NPC1L1: variants seen among roughly 807,000 people sequenced by gnomAD.
NPC1L1 encodes the protein NPC1-like intracellular cholesterol transporter 1.
A neutral mutation model predicts 117.0 loss-of-function variants in NPC1L1; 98 were observed. That is an observed-to-expected ratio of 0.84 (90% CI 0.71 to 0.99). The LOEUF (loss-of-function observed/expected upper bound fraction) is 0.99, where lower values mean the gene tolerates loss of function less well. Among genes scored for constraint, NPC1L1 ranks in the 50% least tolerant of loss-of-function variants. The probability of loss-of-function intolerance (pLI) is 0.00; values close to 1 mark genes in which losing one functional copy is unlikely to be tolerated. For missense variants in NPC1L1, 1,540 were observed against 1,710.0 expected, an observed-to-expected ratio of 0.90 and a Z score of 1.75; for synonymous variants, 729 against 727.6, an observed-to-expected ratio of 1.00 and a Z score of -0.03.
At position 44,536,159 on chromosome 7, in the gene NPC1L1, G is replaced by C; in HGVS notation, c.1854+97C>G. 1 of 1,577,044 alleles carries C rather than the reference G, an allele frequency of 6.3e-7. No homozygotes were observed. The highest frequency in any genetic ancestry group is 8.7e-7 in the Non-Finnish European group (1 of 1,148,914). ...TCTGAGCAGGCAGCCACTGCCCAGGGTCACTTAGGAAGGGCCAGGGCCAGG... is the reference window on the plus strand; with the variant it reads ...TCTGAGCAGGCAGCCACTGCCCAGGCTCACTTAGGAAGGGCCAGGGCCAGG... On this transcript the variant is annotated intron_variant, in intron 4 of 18. Coordinates refer to ENST00000381160, the MANE Select transcript of NPC1L1 (RefSeq NM_001101648.2). The surrounding 1 kb of genome is among the most constrained non-coding windows in gnomAD (Gnocchi z 4.7).
rs746954952 is a variant in NPC1L1 at position 44,539,764 on chromosome 7, A to G, written c.633T>C (p.Asn211=). Residue 211 remains asparagine, a synonymous_variant, in exon 2 of 19, where the codon AAT becomes AAC. Coordinates refer to ENST00000381160, the MANE Select transcript of NPC1L1 (RefSeq NM_001101648.2). The surrounding 1 kb of genome is among the most constrained non-coding windows in gnomAD (Gnocchi z 4.4). ...AGGTGATGTCCAGTGGGGCCAGACC[A>G]TTGCCTGTGTCTCCCTGGAAGTTGA... is the stretch of plus-strand genomic sequence containing the variant. ...RWLNFQGDTG[N]GLAPLDITFH... is the part of the protein sequence containing the mutation. 68 of 1,614,110 alleles carry G rather than the reference A, an allele frequency of 4.2e-5. No homozygotes were observed. Among genetic ancestry groups the G allele is most frequent in the Non-Finnish European group, 5.4e-5 (64 of 1,180,022 alleles).
In NPC1L1 at chr7:44,532,211, G is replaced by A. The variant is rs748272080; in HGVS notation, c.2416C>T (p.Arg806Trp). ...SLDSKRQEAS[R>W]LDVCCCVKPQ... The stretch of plus-strand genomic sequence containing the variant: ...TTGACACAGCAGCAGACGTCCAACC[G>A]GGAGGCCTGGAGTGGGAGGCACCCC... The change falls in exon 9 of 19, where the codon CGG (arginine) becomes TGG (tryptophan). Residue 806 changes from arginine to tryptophan, a missense_variant. By Grantham distance (101) the Arg-to-Trp change is moderately radical. Around this residue, in one of 3 missense-constraint regions of NPC1L1, gnomAD observed 742 missense variants for 873.6 expected, o/e 0.85. Coordinates refer to ENST00000381160, the MANE Select transcript of NPC1L1 (RefSeq NM_001101648.2). The A allele has an allele frequency of 3.7e-5, 59 of 1,613,496 alleles. No individual in the cohort carries two copies. The highest frequency in any genetic ancestry group is 9.3e-5 in the African/African-American group (7 of 74,916).
chr7:44,526,913 A>G (rs1158569758), intron 10 of NPC1L1, among the ~76,000 whole-genome samples: 1 of 151,990 alleles, frequency 6.6e-6, no homozygotes, highest in Non-Finnish European at 1.5e-5. Flanking sequence ...AATCTCAGCT[A>G]CTCAGGAGGC....
Position 44,539,326 on chromosome 7 carries a change from C to A in NPC1L1, c.1071G>T (p.Val357=), listed in dbSNP as rs559105445. The A allele has an allele frequency of 9.5e-5, 154 of 1,613,780 alleles. 1 individual carries two copies. The highest frequency in any genetic ancestry group is 1.2e-4 in the Non-Finnish European group (139 of 1,179,876). The stretch of plus-strand genomic sequence containing the variant: ...AGGCCACCACCGGGATGACAGATAG[C>A]ACCAAGATGGTCAGAGGCCACGAAG... ...WVASWPLTIL[V]LSVIPVVALA... is the part of the protein sequence containing the mutation. Residue 357 remains valine (V), a synonymous_variant, in exon 2 of 19, where the codon GTG becomes GTT. Transcript: ENST00000381160. The surrounding 1 kb of genome is among the most constrained non-coding windows in gnomAD (Gnocchi z 4.4).
intron 10 of NPC1L1, among the ~76,000 whole-genome samples, chr7:44,530,263 G>T (rs1041226729): frequency 1.7e-4 from 26 of 151,684 alleles, no homozygotes; most frequent in Admixed American, 7.9e-4. Flanking sequence ...ACTTGAACCC[G>T]GGAGGCGGAG....
Position 44,540,053 on chromosome 7 carries a change from G to A in NPC1L1, c.344C>T (p.Ala115Val), listed in dbSNP as rs1038833468. 19 of 1,614,112 alleles carry A rather than the reference G, an allele frequency of 1.2e-5. No individual in the cohort carries two copies. The highest frequency in any genetic ancestry group is 1.4e-5 in the Non-Finnish European group (16 of 1,180,054). ...ITKALLTRCP[A>V]CSDNFVNLHC... ...CAGGTTCACAAAATTGTCAGAGCAG[G>A]CTGGGCAGCGGGTGAGGAGGGCCTT... Residue 115 changes from alanine (A) to valine (V), a missense_variant, in exon 2 of 19, where the codon GCC becomes GTC. Ala to Val is a moderately conservative substitution (Grantham distance 64). Coordinates refer to ENST00000381160, the MANE Select transcript of NPC1L1 (RefSeq NM_001101648.2).
In NPC1L1 at chr7:44,539,871, G is replaced by A. The variant is rs780119378; in HGVS notation, c.526C>T (p.Arg176Cys). The A allele has an allele frequency of 9.3e-6, 15 of 1,614,016 alleles. No homozygotes were observed. The highest frequency in any genetic ancestry group is 6.7e-5 in the East Asian group (3 of 44,886). The change falls in exon 2 of 19, where the codon CGC (arginine) becomes TGC (cysteine). Residue 176 changes from arginine (R) to cysteine (C), a missense_variant. Transcript: ENST00000381160. The surrounding 1 kb of genome is among the most constrained non-coding windows in gnomAD (Gnocchi z 4.4). ...EQSYDSCSRV[R>C]VPAAATLAVG... ...GCCAGCGTGGCAGCTGCAGGGACGCGCACACGGCTGCAGGAGTCATAGCTC... is the reference window on the plus strand; with the variant it reads ...GCCAGCGTGGCAGCTGCAGGGACGCACACACGGCTGCAGGAGTCATAGCTC...
At position 44,522,060 on chromosome 7, in the gene NPC1L1, G is replaced by A. The variant is rs1198300994; in HGVS notation, c.2820C>T (p.Phe940=). 1 of 1,613,892 alleles carries A rather than the reference G, an allele frequency of 6.2e-7. No homozygotes were observed. The highest frequency in any genetic ancestry group is 1.7e-5 in the Admixed American group (1 of 60,006). ...GCGGGCCAGGAACTCACTGCTCAGG[G>A]AACTCTGTGGCATACTGGATCTTCT... ...FTQKIQYATE[F]PEQSYLAIPA... is the part of the protein sequence containing the mutation. The change falls in exon 11 of 19, where the codon TTC becomes TTT. Residue 940 remains phenylalanine, a synonymous_variant. Transcript: ENST00000381160.
intron 14 of NPC1L1, among the ~76,000 whole-genome samples, chr7:44,519,244 G>A (rs1801281792): frequency 6.6e-6 from 1 of 152,086 alleles, no homozygotes; most frequent in African/African-American, 2.4e-5. Context: ...GCTGGCTGGG[G>A]GACCTCATTT....
Position 44,516,810 on chromosome 7 carries a change from C to T in NPC1L1, c.3412G>A (p.Gly1138Ser), listed in dbSNP as rs200207059. ...CLLLGLDLRS[G>S]LLNLLSIVMI... ...ACAATGGAGAGCAGGTTGAGGAGGC[C>T]GGAGCGCAGGTCCAGGCCCAGCAGG... Residue 1138 changes from glycine (G) to serine (S), a missense_variant, in exon 16 of 19, where the codon GGC becomes AGC. Physicochemically the swap from Gly to Ser is moderately conservative, Grantham distance 56 (BLOSUM62 0). This residue lies in a region of NPC1L1 where 742 missense variants were observed against 873.6 expected (regional missense o/e 0.85). Transcript: ENST00000381160. 1.5e-5 allele frequency: 25 copies of T among 1,614,004 alleles called. No homozygotes were observed. The highest frequency in any genetic ancestry group is 1.9e-5 in the Non-Finnish European group (22 of 1,180,000).
rs217428 is a variant in NPC1L1 at position 44,515,974 on chromosome 7, T to G, written c.3634-9A>C. On this transcript the variant is annotated splice_polypyrimidine_tract_variant and intron_variant, in intron 17 of 18. Coordinates refer to ENST00000381160, the MANE Select transcript of NPC1L1 (RefSeq NM_001101648.2). Reference sequence around the variant, plus strand: ...GCCACACCTGCAAACACCTGGGGGGTTCAGAGCCAGGTGTCAGGCAGGGCA... The same window carrying G: ...GCCACACCTGCAAACACCTGGGGGGGTCAGAGCCAGGTGTCAGGCAGGGCA... 0.25 allele frequency: 399,397 copies of G among 1,611,844 alleles called. 52,495 individuals are homozygous for G. The highest frequency in any genetic ancestry group is 0.3 in the African/African-American group (22,184 of 74,618).
chr7:44,524,348 CA>C (rs1801444510), intron 10 of NPC1L1, among the ~76,000 whole-genome samples: 2 of 152,082 alleles, frequency 1.3e-5, no homozygotes, highest in Non-Finnish European at 2.9e-5. Context: ...ATTTTTCAAC[CA>C]AAAACACACC....
chr7:44,521,081 C>T lies in NPC1L1; in HGVS notation c.2991G>A (p.Thr997=), dbSNP rs751360739. The change falls in exon 13 of 19, where the codon ACG becomes ACA. Residue 997 remains threonine, a synonymous_variant. Transcript: ENST00000381160. The part of the protein sequence containing the change: ...LNCLKNCMSI[T]MGSVRPSVEQ... ...CCACCGAGGGCCTCACAGAGCCCAT[C>T]GTGATGCTCATGCAGTTCTTTAGGC... is the stretch of plus-strand genomic sequence containing the variant. 3.7e-6 allele frequency: 6 copies of T among 1,614,166 alleles called. No individual in the cohort carries two copies. The highest frequency in any genetic ancestry group is 1.1e-5 in the South Asian group (1 of 91,082).
At chr7:44,517,607 G>A (rs997041917) in intron 14 of NPC1L1, among the ~76,000 whole-genome samples, 5 of 152,208 alleles carry the variant, frequency 3.3e-5, no homozygotes, top group Admixed American at 3.3e-4. Flanking sequence ...GATGAGTGAA[G>A]CCTACAGAGA....
rs150978599 is a variant in NPC1L1, at chr7:44,516,832, C to T, written c.3390G>A (p.Leu1130=). The T allele has an allele frequency of 1.9e-3, 2,989 of 1,614,180 alleles. 6 individuals are homozygous for T. Among genetic ancestry groups the T allele is most frequent in the Non-Finnish European group, 2.4e-3 (2,877 of 1,180,042 alleles). The change falls in exon 16 of 19, where the codon CTG becomes CTA. Residue 1130 remains leucine (L), a synonymous_variant. Coordinates refer to ENST00000381160, the MANE Select transcript of NPC1L1 (RefSeq NM_001101648.2). ...LVPTFAVSCL[L]LGLDLRSGLL... is the part of the protein sequence containing the mutation. ...GGCCGGAGCGCAGGTCCAGGCCCAGCAGGAGGCAGGAGACAGCGAAGGTGG... is the reference window on the plus strand; with the variant it reads ...GGCCGGAGCGCAGGTCCAGGCCCAGTAGGAGGCAGGAGACAGCGAAGGTGG...
At chr7:44,532,958 G>A (rs186792321) in intron 8 of NPC1L1, among the ~76,000 whole-genome samples, 6 of 152,216 alleles carry the variant, frequency 3.9e-5, no homozygotes, top group East Asian at 1.9e-4. Context: ...ACAAAAATTA[G>A]CCAGGCGTGC....
chr7:44,523,604 A>T (rs138441504), intron 10 of NPC1L1, among the ~76,000 whole-genome samples: 171 of 152,252 alleles, frequency 1.1e-3, no homozygotes, highest in African/African-American at 4.1e-3. Context: ...GATGGCTTAC[A>T]CTTGTAATTT....
chr7:44,526,692 C>G (rs1801527734), intron 10 of NPC1L1, among the ~76,000 whole-genome samples: 1 of 151,926 alleles, frequency 6.6e-6, no homozygotes, highest in Non-Finnish European at 1.5e-5. Context: ...CTGAGTAACA[C>G]AGTGAGACCC....
intron 18 of NPC1L1, 67 bp from the exon 19 acceptor site, chr7:44,513,716 GT>G: frequency 6.4e-7 from 1 of 1,559,554 alleles, no homozygotes; most frequent in Non-Finnish European, 8.7e-7. Context: ...GCTATTCCTG[GT>G]TCTGTACAAC....
Sources: allele counts gnomAD v4.1 joint callset (sites outside exome capture counted in the v4.1 genomes callset), GRCh38; gene constraint gnomAD v4.1.1; regional missense constraint gnomAD v4.1.1; non-coding constraint Gnocchi (gnomAD v3.1); transcripts MANE v1.5; gene names NCBI Gene and HGNC (gene_info 2026-07-23, HGNC 2026-07-21).